Variants in SRPRB observed in about 807,000 individuals in gnomAD.
SRPRB encodes signal recognition particle receptor subunit beta.
Under a neutral mutation model 31.9 loss-of-function variants are expected in SRPRB, and 20 were observed. The ratio of observed to expected loss-of-function variants is 0.63; its 90% CI spans 0.44 to 0.91. The LOEUF (loss-of-function observed/expected upper bound fraction) is 0.91, where lower values mean the gene tolerates loss of function less well. SRPRB is among the 40% of genes least tolerant of loss of function. The pLI, the probability that SRPRB is intolerant of heterozygous loss-of-function variation, is 0.00. For missense variants in SRPRB, 321 were observed against 324.9 expected (o/e 0.99, Z 0.09); for synonymous variants, 146 against 132.8 (o/e 1.10, Z -0.68).
intron 5 of SRPRB, among the ~76,000 whole-genome samples, chr3:133,816,592 T>G (rs1175858928): frequency 2.0e-5 from 3 of 152,192 alleles, no homozygotes; most frequent in African/African-American, 7.2e-5. Flanking sequence ...TGAGTAAACT[T>G]ATATGTTTTG....
At chr3:133,793,774 T>C (rs1469355750) in intron 1 of SRPRB, 1 of 152,184 alleles carries the variant, frequency 6.6e-6, no homozygotes, top group African/African-American at 2.4e-5. Context: ...GAATATGGTG[T>C]CTTTTAGGAG....
intron 1 of SRPRB, chr3:133,786,222 T>TAAAAAAAAA (rs1553742153): frequency 1.2e-5 from 1 of 84,300 alleles, no homozygotes; most frequent in African/African-American, 3.9e-5. Context: ...AAAAATAAAT[T>TAAAAAAAAA]AAAAAAAAAA....
intron 3 of SRPRB, chr3:133,810,278 C>G (rs909840930): frequency 5.9e-5 from 9 of 152,232 alleles, no homozygotes; most frequent in African/African-American, 2.2e-4. Flanking sequence ...GTGCAGGATA[C>G]TGATTGCCTG....
At chr3:133,798,358 T>C (rs1935010705) in intron 1 of SRPRB, among the ~76,000 whole-genome samples, 2 of 152,224 alleles carry the variant, frequency 1.3e-5, no homozygotes, top group South Asian at 4.1e-4. Flanking sequence ...TAGGAATACA[T>C]TAAGTAATTC....
chr3:133,811,260 CAT>C, intron 4 of SRPRB, 61 bp downstream of exon 4: 1 of 1,541,572 alleles, frequency 6.5e-7, no homozygotes, highest in South Asian at 1.1e-5. Context: ...CAAAGCCACT[CAT>C]GTGATTTGCT....
chr3:133,819,249 G>A (rs1032754020), intron 6 of SRPRB, among the ~76,000 whole-genome samples: 4 of 151,964 alleles, frequency 2.6e-5, no homozygotes, highest in East Asian at 3.9e-4. Context: ...ATTTTTAGAC[G>A]GCTTCATTCA....
At chr3:133,793,399 C>T (rs1029371718) in intron 1 of SRPRB, 6 of 152,026 alleles carry the variant, frequency 3.9e-5, no homozygotes, top group Non-Finnish European at 7.4e-5. Flanking sequence ...CTTTTCTAAC[C>T]TCTAACTTTG....
chr3:133,826,796 C>A (rs1161949261), downstream of SRPRB: 2 of 152,684 alleles, frequency 1.3e-5, no homozygotes, highest in East Asian at 3.8e-4. Context: ...TATTTCAACA[C>A]GTTGCAGTAC....
Position 133,816,923 on chromosome 3 carries a change from A to G in SRPRB, c.593A>G (p.Glu198Gly). 1 of 1,611,252 alleles carries G rather than the reference A, an allele frequency of 6.2e-7. No homozygotes were observed. Among genetic ancestry groups the G allele is most frequent in the Non-Finnish European group, 8.5e-7 (1 of 1,178,632 alleles). Residue 198 changes from glutamate (E) to glycine (G), a missense_variant, in exon 6 of 7, where the codon GAG (glutamate) becomes GGG (glycine). Glu to Gly is a moderately conservative substitution (Grantham distance 98, BLOSUM62 -2). Transcript: ENST00000678299. ...KSAKLIQQQL[E>G]KELNTLRVTR... Reference sequence around the variant, plus strand: ...GCAAAGTTAATTCAACAGCAGCTGGAGAAAGAACTGTAAGTGTGAAAGAGG... The same window carrying G: ...GCAAAGTTAATTCAACAGCAGCTGGGGAAAGAACTGTAAGTGTGAAAGAGG...
At chr3:133,797,442 A>G (rs554636703) in intron 1 of SRPRB, among the ~76,000 whole-genome samples, 27 of 152,384 alleles carry the variant, frequency 1.8e-4, no homozygotes, top group Non-Finnish European at 3.4e-4. Context: ...GCTACTGTGT[A>G]TAAAGTGGAA....
intron 6 of SRPRB, among the ~76,000 whole-genome samples, chr3:133,817,578 T>C (rs1935388568): frequency 6.6e-6 from 1 of 152,214 alleles, no homozygotes; most frequent in African/African-American, 2.4e-5. Flanking sequence ...TTCTGCGTTA[T>C]GCCAATTTGT....
At chr3:133,810,996 C>A in intron 3 of SRPRB, 121 bp from the exon 4 acceptor site, 4 of 914,902 alleles carry the variant, frequency 4.4e-6, no homozygotes, top group South Asian at 1.9e-5. Context: ...GTAGAAGATG[C>A]TTTGTGAACA....
intron 3 of SRPRB, 25 bp downstream of exon 3, chr3:133,807,848 G>T (rs1935191024): frequency 6.4e-7 from 1 of 1,568,402 alleles, no homozygotes; most frequent in Admixed American, 1.8e-5. Flanking sequence ...GAGTTTTGGA[G>T]TCTGACAGTC....
chr3:133,805,871 G>C lies in SRPRB; in HGVS notation c.23G>C (p.Arg8Pro). 6.2e-7 allele frequency: 1 copy of C among 1,612,236 alleles called. No individual in the cohort carries two copies. The highest frequency in any genetic ancestry group is 8.5e-7 in the Non-Finnish European group (1 of 1,179,146). Reference sequence around the variant, plus strand: ...TCCATGGCTTCCGCGGACTCGCGCCGGGTGGCAGATGGCGGCGGTGCCGGG... The same window carrying C: ...TCCATGGCTTCCGCGGACTCGCGCCCGGTGGCAGATGGCGGCGGTGCCGGG... MASADSR[R>P]VADGGGAGGT... Residue 8 changes from arginine (R) to proline (P), a missense_variant, in exon 1 of 7, where the codon CGG (arginine) becomes CCG (proline). Transcript: ENST00000678299.
chr3:133,807,850 C>A, intron 3 of SRPRB, 27 bp downstream of exon 3: 1 of 1,565,566 alleles, frequency 6.4e-7, no homozygotes, highest in Non-Finnish European at 8.7e-7. Flanking sequence ...GTTTTGGAGT[C>A]TGACAGTCTT....
downstream of SRPRB, chr3:133,828,436 C>T (rs1935606345): frequency 2.6e-6 from 1 of 380,266 alleles, no homozygotes; most frequent in Non-Finnish European, 4.7e-6. Flanking sequence ...TACAAATATA[C>T]AAAAACAAAA....
At chr3:133,795,163 C>T (rs1934934500) in intron 1 of SRPRB, 1 of 152,196 alleles carries the variant, frequency 6.6e-6, no homozygotes, top group Non-Finnish European at 1.5e-5. Context: ...TCAGTTGTAG[C>T]AAATTAATGA....
chr3:133,788,137 T>G (rs1201705258), intron 1 of SRPRB: 9 of 152,354 alleles, frequency 5.9e-5, no homozygotes, highest in African/African-American at 1.9e-4. Flanking sequence ...AGCAGATTCA[T>G]GCAGACTTCC....
chr3:133,815,623 C>A lies in SRPRB; in HGVS notation c.444C>A (p.Phe148Leu). 6.2e-7 allele frequency: 1 copy of A among 1,613,880 alleles called. No homozygotes were observed. Among genetic ancestry groups the A allele is most frequent in the African/African-American group, 1.3e-5 (1 of 74,940 alleles). Residue 148 changes from phenylalanine (F) to leucine (L), a missense_variant, in exon 5 of 7, where the codon TTC becomes TTA. By Grantham distance (22) the Phe-to-Leu change is conservative. Transcript: ENST00000678299. ...TGTTTGTTGTGGATAGTGCAGCATTCCAGCGAGAGGTGAAAGATGTGGCTG... is the reference window on the plus strand; with the variant it reads ...TGTTTGTTGTGGATAGTGCAGCATTACAGCGAGAGGTGAAAGATGTGGCTG... ...AIVFVVDSAA[F>L]QREVKDVAEF...
Sources: allele counts gnomAD v4.1 joint callset (sites outside exome capture counted in the v4.1 genomes callset), GRCh38; gene constraint gnomAD v4.1.1; transcripts MANE v1.5; gene names NCBI Gene and HGNC (gene_info 2026-07-23, HGNC 2026-07-21).